The following PCK2 variants were observed in gnomAD, a reference collection of about 807,000 sequenced individuals.
PCK2 encodes phosphoenolpyruvate carboxykinase [GTP], mitochondrial.
Under a neutral mutation model 65.9 loss-of-function variants are expected in PCK2, and 56 were observed. The observed-to-expected ratio is 0.85, with a 90% confidence interval of 0.69 to 1.06. PCK2 has a LOEUF of 1.06. Among genes scored for constraint, PCK2 ranks in the 50% least tolerant of loss-of-function variants. The probability of loss-of-function intolerance (pLI) is 0.00; values close to 1 mark genes in which losing one functional copy is unlikely to be tolerated. For missense variants in PCK2, 843 were observed against 863.1 expected, an observed-to-expected ratio of 0.98 and a Z score of 0.29; for synonymous variants, 305 against 319.6, an observed-to-expected ratio of 0.95 and a Z score of 0.49.
chr14:24,100,164 T>C lies in PCK2; in HGVS notation c.1185T>C (p.Leu395=). 10 of 1,614,104 alleles carry C rather than the reference T, an allele frequency of 6.2e-6. No homozygotes were observed. The highest frequency in any genetic ancestry group is 6.8e-6 in the Non-Finnish European group (8 of 1,179,964). Reference sequence around the variant, plus strand: ...ACTGGGAGGGCATTGACCAGCCTCTTCCACCTGGTGTTACTGTGACCTCCT... The same window carrying C: ...ACTGGGAGGGCATTGACCAGCCTCTCCCACCTGGTGTTACTGTGACCTCCT... ...GVYWEGIDQP[L]PPGVTVTSWL... is the part of the protein sequence containing the mutation. Residue 395 remains leucine, a synonymous_variant, in exon 7 of 10, where the codon CTT becomes CTC. Coordinates refer to ENST00000216780, the MANE Select transcript of PCK2 (RefSeq NM_004563.4).
Position 24,094,333 on chromosome 14 carries a change from C to T in PCK2, c.-73C>T. On this transcript the variant is annotated 5_prime_UTR_variant, in exon 1 of 10. Coordinates refer to ENST00000216780, the MANE Select transcript of PCK2 (RefSeq NM_004563.4). This position sits in a 1 kb window ranked among gnomAD's most constrained non-coding sequence, Gnocchi z 4.1. ...GCTGTGGCTCGCTTCGCCGCGCTCC[C>T]TCCTTCCCCGCCTTCCATACCTCCC... is the stretch of plus-strand genomic sequence containing the variant. The T allele has an allele frequency of 7.0e-7, 1 of 1,438,340 alleles. No individual in the cohort carries two copies. The highest frequency in any genetic ancestry group is 9.4e-7 in the Non-Finnish European group (1 of 1,060,198). 89.1% of individuals were successfully genotyped at this position (1,438,340 alleles called of 1,614,324 possible).
Position 24,094,647 on chromosome 14 carries a change from C to G in PCK2, c.29+213C>G. On this transcript the variant is annotated intron_variant, in intron 1 of 9. Transcript: ENST00000216780. This position sits in a 1 kb window ranked among gnomAD's most constrained non-coding sequence, Gnocchi z 4.1. ...CTCCTCGTTTCCGCCTGCACCTCCCCTTCTCTGCCTCGCTCGCCTCTGACC... is the reference window on the plus strand; with the variant it reads ...CTCCTCGTTTCCGCCTGCACCTCCCGTTCTCTGCCTCGCTCGCCTCTGACC... 18 of 1,492,456 alleles carry G rather than the reference C, an allele frequency of 1.2e-5. 1 individual carries two copies. Among genetic ancestry groups the G allele is most frequent in the Non-Finnish European group, 1.5e-5 (17 of 1,122,372 alleles). 92.5% of individuals were successfully genotyped at this position (1,492,456 alleles called of 1,614,324 possible). A position where few individuals can be genotyped will look rare whatever the true frequency, so the allele number is the denominator to read the frequency against.
At position 24,102,835 on chromosome 14, in the gene PCK2, G is replaced by A. The variant is rs1426881172; in HGVS notation, c.1317G>A (p.Glu439=). ...RQCPIMDPAW[E]APEGVPIDAI... ...GCCCCATCATGGACCCAGCCTGGGA[G>A]GCCCCAGAGGGTGTCCCCATTGACG... The change falls in exon 8 of 10, where the codon GAG becomes GAA. Residue 439 remains glutamate, a synonymous_variant. Transcript: ENST00000216780. The A allele has an allele frequency of 1.2e-6, 2 of 1,613,840 alleles. No homozygotes were observed. Among genetic ancestry groups the A allele is most frequent in the Admixed American group, 1.7e-5 (1 of 59,996 alleles).
At chr14:24,094,227 G>T (rs1361726282), upstream of PCK2, 1 of 601,644 alleles carries the variant, frequency 1.7e-6, no homozygotes, top group African/African-American at 2.0e-5. The surrounding 1 kb of genome is among the most constrained non-coding windows in gnomAD (Gnocchi z 4.1). Flanking sequence ...CCAGCGGGGC[G>T]GAGGAAAGCT....
chr14:24,095,345 G>A lies in PCK2; in HGVS notation c.29+911G>A, dbSNP rs1028265547. 6 of 417,894 alleles carry A rather than the reference G, an allele frequency of 1.4e-5. No homozygotes were observed. In the East Asian group the frequency reaches 2.2e-4, roughly 15 times the overall value. 25.9% of individuals were successfully genotyped at this position (417,894 alleles called of 1,614,324 possible). A position where few individuals can be genotyped will look rare whatever the true frequency, so the allele number is the denominator to read the frequency against. The stretch of plus-strand genomic sequence containing the variant: ...TGTGTGCTTGAAAACTGATGCTCAC[G>A]GAGAACTTCCCTCTGAGGCAGGAAC... On this transcript the variant is annotated intron_variant, in intron 1 of 9. Transcript: ENST00000216780.
Position 24,103,624 on chromosome 14 carries a change from G to C in PCK2, c.1583G>C (p.Arg528Pro), listed in dbSNP as rs201244499. 1.2e-6 allele frequency: 2 copies of C among 1,613,832 alleles called. No individual in the cohort carries two copies. Among genetic ancestry groups the C allele is most frequent in the South Asian group, 1.1e-5 (1 of 91,068 alleles). Reference protein sequence around the residue: ...MEGRKGAQLPRIFHVNWFRRD... With the variant: ...MEGRKGAQLPPIFHVNWFRRD... ...GGGCGCAAGGGGGCCCAGCTGCCCC[G>C]TATCTTCCATGTCAACTGGTTCCGG... Residue 528 changes from arginine to proline, a missense_variant, in exon 10 of 10, where the codon CGT (arginine) becomes CCT (proline). Transcript: ENST00000216780.
At chr14:24,101,256 G>A (rs1367014385) in intron 7 of PCK2, among the ~76,000 whole-genome samples, 3 of 152,196 alleles carry the variant, frequency 2.0e-5, no homozygotes, top group Non-Finnish European at 4.4e-5. Flanking sequence ...TCAATTCCCA[G>A]AATAATACCC....
rs772648688 is a variant in PCK2 at position 24,098,450 on chromosome 14, A to AT, written c.461-24dup. Reference sequence around the variant, plus strand: ...GATGTGAACAGGTTTGGAACCCTTCATCCAGGGGATGCCTTCCTCCACAGG... The same window carrying AT: ...GATGTGAACAGGTTTGGAACCCTTCATTCCAGGGGATGCCTTCCTCCACAGG... On this transcript the variant is annotated intron_variant, in intron 3 of 9. Coordinates refer to ENST00000216780, the MANE Select transcript of PCK2 (RefSeq NM_004563.4). 3 of 1,613,724 alleles carry AT rather than the reference A, an allele frequency of 1.9e-6. No individual in the cohort carries two copies. The East Asian group carries it at 6.7e-5, about 36-fold the overall frequency.
At position 24,094,453 on chromosome 14, in the gene PCK2, G is replaced by A. The variant is rs752030132; in HGVS notation, c.29+19G>A. 16 of 1,530,666 alleles carry A rather than the reference G, an allele frequency of 1.0e-5. No homozygotes were observed. Among genetic ancestry groups the A allele is most frequent in the East Asian group, 2.5e-5 (1 of 40,160 alleles). The allele number at this position is 1,530,666 out of a possible 1,614,324, so 94.8% of individuals were successfully genotyped here. On this transcript the variant is annotated intron_variant, in intron 1 of 9. Transcript: ENST00000216780. This position sits in a 1 kb window ranked among gnomAD's most constrained non-coding sequence, Gnocchi z 4.1. ...GCCTGCGGTGAGTGACCCCCGGCCCGGGGCCCACCCGCACCTTCCGCTGCG... is the reference window on the plus strand; with the variant it reads ...GCCTGCGGTGAGTGACCCCCGGCCCAGGGCCCACCCGCACCTTCCGCTGCG...
intron 8 of PCK2, 96 bp from the exon 9 acceptor site, chr14:24,103,064 T>G: frequency 2.5e-6 from 3 of 1,219,316 alleles, no homozygotes; most frequent in Non-Finnish European, 3.6e-6. Context: ...ATAGCCGAGG[T>G]CTTAGGAGAG....
rs1287804185 is a variant in PCK2, at chr14:24,094,418, T to C, written c.13T>C (p.Tyr5His). 12 of 1,561,970 alleles carry C rather than the reference T, an allele frequency of 7.7e-6. No individual in the cohort carries two copies. Among genetic ancestry groups the C allele is most frequent in the African/African-American group, 1.4e-5 (1 of 72,680 alleles). ...CTGCCCAGGTGCCATGGCCGCATTG[T>C]ACCGCCCTGGCCTGCGGTGAGTGAC... MAAL[Y>H]RPGLRLNWHG... Residue 5 changes from tyrosine to histidine, a missense_variant, in exon 1 of 10, where the codon TAC becomes CAC. By Grantham distance (83) the Tyr-to-His change is moderately conservative. Coordinates refer to ENST00000216780, the MANE Select transcript of PCK2 (RefSeq NM_004563.4). The surrounding 1 kb of genome is among the most constrained non-coding windows in gnomAD (Gnocchi z 4.1).
chr14:24,100,430 A>G, intron 7 of PCK2: 1 of 1,073,858 alleles, frequency 9.3e-7, no homozygotes, highest in Non-Finnish European at 1.3e-6. Flanking sequence ...AACTTCCCTA[A>G]GCTTTAGTTT....
intron 1 of PCK2, among the ~76,000 whole-genome samples, chr14:24,095,676 A>G (rs1225587461): frequency 6.6e-6 from 1 of 152,188 alleles, no homozygotes; most frequent in Non-Finnish European, 1.5e-5. Flanking sequence ...AGGCCTTGAT[A>G]GAGGAGGAGA....
At chr14:24,098,072 T>G (rs910699805) in intron 2 of PCK2, 131 bp from the exon 3 acceptor site, 6 of 721,018 alleles carry the variant, frequency 8.3e-6, no homozygotes, top group South Asian at 1.9e-5. Flanking sequence ...AGGAAGGGAC[T>G]GAGATGTGAT....
chr14:24,094,298 G>C, upstream of PCK2: 2 of 1,143,080 alleles, frequency 1.7e-6, no homozygotes, highest in Non-Finnish European at 1.2e-6. The surrounding 1 kb of genome is among the most constrained non-coding windows in gnomAD (Gnocchi z 4.1). Context: ...AGCGCCTCCC[G>C]CCAGCCTCTG....
upstream of PCK2, chr14:24,094,206 G>C: frequency 1.7e-6 from 1 of 575,212 alleles, no homozygotes; most frequent in East Asian, 3.4e-5. The surrounding 1 kb of genome is among the most constrained non-coding windows in gnomAD (Gnocchi z 4.1). Context: ...GGGGCCGAGG[G>C]AGCTGGCCTG....
chr14:24,097,389 G>GA (rs529973280), intron 2 of PCK2, among the ~76,000 whole-genome samples: 16,293 of 118,496 alleles, frequency 0.14, 1,228 homozygotes, highest in South Asian at 0.22. Flanking sequence ...CGTCTCTACT[G>GA]AAAAAAAAAA....
Position 24,099,192 on chromosome 14 carries a change from T to C in PCK2, c.808T>C (p.Ser270Pro). The C allele has an allele frequency of 6.2e-7, 1 of 1,604,958 alleles. No homozygotes were observed. Among genetic ancestry groups the C allele is most frequent in the Non-Finnish European group, 8.5e-7 (1 of 1,178,232 alleles). Residue 270 changes from serine to proline, a missense_variant, in exon 5 of 10, where the codon TCT (serine) becomes CCT (proline). Coordinates refer to ENST00000216780, the MANE Select transcript of PCK2 (RefSeq NM_004563.4). Reference protein sequence around the residue: ...GKKCFALRIASRLARDEGWLA... With the variant: ...GKKCFALRIAPRLARDEGWLA... ...GAAGTGCTTTGCCCTACGCATCGCC[T>C]CTCGGCTGGCCCGGGATGAGGGCTG...
At position 24,099,143 on chromosome 14, in the gene PCK2, T is replaced by C. The variant is rs1470999911; in HGVS notation, c.759T>C (p.Tyr253=). ...AGATCATCTCCTTCGGCAGCGGCTA[T>C]GGTGGCAACTCCCTGCTGGGCAAGA... ...QREIISFGSG[Y]GGNSLLGKKC... The change falls in exon 5 of 10, where the codon TAT becomes TAC. Residue 253 remains tyrosine, a synonymous_variant. Coordinates refer to ENST00000216780, the MANE Select transcript of PCK2 (RefSeq NM_004563.4). 3 of 1,611,390 alleles carry C rather than the reference T, an allele frequency of 1.9e-6. No homozygotes were observed. Among genetic ancestry groups the C allele is most frequent in the Non-Finnish European group, 2.5e-6 (3 of 1,179,472 alleles).
Sources: allele counts gnomAD v4.1 joint callset (sites outside exome capture counted in the v4.1 genomes callset), GRCh38; gene constraint gnomAD v4.1.1; non-coding constraint Gnocchi (gnomAD v3.1); transcripts MANE v1.5; gene names NCBI Gene and HGNC (gene_info 2026-07-23, HGNC 2026-07-21).